EPS15: variants seen among roughly 807,000 people sequenced by gnomAD.
The protein encoded by EPS15 is epidermal growth factor receptor substrate 15.
Under a neutral mutation model 113.8 loss-of-function variants are expected in EPS15, and 72 were observed. That is an observed-to-expected ratio of 0.63 (90% confidence interval 0.52 to 0.77). The LOEUF (loss-of-function observed/expected upper bound fraction) is 0.77. Among genes scored for constraint, EPS15 ranks in the 30% least tolerant of loss-of-function variants. The pLI, the probability that EPS15 is intolerant of heterozygous loss-of-function variation, is 0.00. For missense variants in EPS15, 1,048 were observed against 1,045.8 expected, an observed-to-expected ratio of 1.00 and a Z score of -0.03; for synonymous variants, 344 against 363.4, an observed-to-expected ratio of 0.95 and a Z score of 0.61.
At chr1:51,382,895 C>A (rs1034328014) in intron 21 of EPS15, among the ~76,000 whole-genome samples, 1 of 152,078 alleles carries the variant, frequency 6.6e-6, no homozygotes, top group African/African-American at 2.4e-5. Context: ...TCTGTGAAGC[C>A]AGTATTACTC....
chr1:51,459,790 A>C (rs1269147673), intron 8 of EPS15, among the ~76,000 whole-genome samples: 5 of 152,124 alleles, frequency 3.3e-5, no homozygotes, highest in African/African-American at 1.2e-4. Context: ...AAAACTAAAA[A>C]TTATCTAAAA....
chr1:51,370,601 ATTATTATT>A (rs1260040427), intron 21 of EPS15, among the ~76,000 whole-genome samples: 6 of 151,174 alleles, frequency 4.0e-5, no homozygotes, highest in African/African-American at 7.3e-5. Context: ...TCGTTATTTT[ATTATTATT>A]TTGTTTGTTA....
Position 51,361,527 on chromosome 1 carries a change from TTC to T in EPS15, c.2360-174_2360-173del, listed in dbSNP as rs1570075485. ...ACACCAACAATTTGTCCTCAAATTCTTCACACATGATCTCTCAAATAGATTCC... is the reference window on the plus strand; with the variant it reads ...ACACCAACAATTTGTCCTCAAATTCTACACATGATCTCTCAAATAGATTCC... On this transcript the variant is annotated intron_variant, in intron 23 of 24. Coordinates refer to ENST00000371733, the MANE Select transcript of EPS15 (RefSeq NM_001981.3). Among the ~76,000 whole-genome samples the T allele has an allele frequency of 3.3e-5, 5 of 152,322 alleles. No homozygotes were observed. In the East Asian group the frequency reaches 9.6e-4, roughly 29 times the overall value.
intron 8 of EPS15, among the ~76,000 whole-genome samples, chr1:51,459,507 T>A (rs1405772618): frequency 2.6e-5 from 4 of 151,662 alleles, no homozygotes; most frequent in Non-Finnish European, 5.9e-5. Flanking sequence ...AAAATAAAAA[T>A]AATAAAATAA....
chr1:51,355,774 A>ACTGAT lies in EPS15; in HGVS notation c.*925_*926insATCAG, dbSNP rs1359974983. On this transcript the variant is annotated 3_prime_UTR_variant, in exon 25 of 25. Transcript: ENST00000371733. Reference sequence around the variant, plus strand: ...GTACCTTCCAGTTCTAGCTTGCTGAAGTTTCTTCTGCAAAAGTACAAAAAT... The same window carrying ACTGAT: ...GTACCTTCCAGTTCTAGCTTGCTGAACTGATGTTTCTTCTGCAAAAGTACAAAAAT... The ACTGAT allele has an allele frequency of 3.1e-5, 6 of 194,804 alleles. No homozygotes were observed. The highest frequency in any genetic ancestry group is 1.9e-4 in the South Asian group (1 of 5,146). The allele number at this position is 194,804 out of a possible 1,614,324, so 12.1% of individuals were successfully genotyped here. A position where few individuals can be genotyped will look rare whatever the true frequency, so the allele number is the denominator to read the frequency against.
chr1:51,422,083 A>G, intron 12 of EPS15: 5 of 1,193,046 alleles, frequency 4.2e-6, no homozygotes, highest in South Asian at 5.1e-5. Flanking sequence ...ATGTGGTGAA[A>G]AGAGGATAGA....
At chr1:51,364,444 ATACTAATG>A (rs1182903540) in intron 22 of EPS15, among the ~76,000 whole-genome samples, 8 of 152,200 alleles carry the variant, frequency 5.3e-5, no homozygotes, top group African/African-American at 1.9e-4. Flanking sequence ...ATAAGATTTA[ATACTAATG>A]CAAGGAAAAT....
intron 23 of EPS15, among the ~76,000 whole-genome samples, chr1:51,361,875 C>T (rs918666311): frequency 1.3e-5 from 2 of 152,006 alleles, no homozygotes; most frequent in African/African-American, 2.4e-5. Context: ...TTTAAATTAC[C>T]GTAGTAAAAT....
intron 12 of EPS15, chr1:51,422,151 C>G (rs1650818332): frequency 1.4e-6 from 1 of 704,694 alleles, no homozygotes; most frequent in African/African-American, 1.8e-5. Flanking sequence ...ACTGATGTCA[C>G]TGTTGCTATG....
chr1:51,455,158 T>C (rs1653882993), intron 8 of EPS15, among the ~76,000 whole-genome samples: 2 of 152,182 alleles, frequency 1.3e-5, no homozygotes, highest in Admixed American at 1.3e-4. Flanking sequence ...CAAAGAACTA[T>C]TTCACAGAAT....
intron 24 of EPS15, among the ~76,000 whole-genome samples, chr1:51,357,391 A>AAAATATATATATAT (rs1491245303): frequency 1.5e-5 from 1 of 65,720 alleles, no homozygotes; most frequent in Non-Finnish European, 2.6e-5. Flanking sequence ...AAAAAAAAAA[A>AAAATATATATATAT]ATATATATAT....
rs114624940 is a variant in EPS15, at chr1:51,404,069, G to A, written c.1678-537C>T. Among the ~76,000 whole-genome samples the A allele has an allele frequency of 9.0e-4, 137 of 152,288 alleles. 1 individual carries two copies. The highest frequency in any genetic ancestry group is 3.2e-3 in the African/African-American group (132 of 41,552). On this transcript the variant is annotated intron_variant, in intron 16 of 24. Transcript: ENST00000371733. ...ACTTAAGAAGTAGTAGGGGCAGGCC[G>A]GATGCAGTGGCTCACACCTGTAATC... is the stretch of plus-strand genomic sequence containing the variant.
intron 21 of EPS15, among the ~76,000 whole-genome samples, chr1:51,375,816 AAAACAAAAC>A (rs1179400415): frequency 4.6e-5 from 7 of 152,364 alleles, no homozygotes; most frequent in African/African-American, 1.4e-4. Flanking sequence ...AACTAAAAAC[AAAACAAAAC>A]AAACAAACCA....
intron 6 of EPS15, 144 bp from the exon 7 acceptor site, chr1:51,463,942 A>C: frequency 2.2e-6 from 1 of 463,822 alleles, no homozygotes; most frequent in Non-Finnish European, 3.8e-6. Context: ...TCAAAATATA[A>C]TATTCATTGT....
intron 1 of EPS15, among the ~76,000 whole-genome samples, chr1:51,485,770 A>G (rs1644108841): frequency 6.6e-6 from 1 of 152,188 alleles, no homozygotes; most frequent in South Asian, 2.1e-4. Flanking sequence ...TTTTATCATT[A>G]TATTTTGGAA....
At chr1:51,423,458 A>G (rs965617542) in intron 12 of EPS15, 1 of 985,322 alleles carries the variant, frequency 1.0e-6, no homozygotes, top group Non-Finnish European at 1.2e-6. Context: ...TCCTTATGTG[A>G]GCAGATGAAT....
At chr1:51,366,087 GAC>G in intron 21 of EPS15, 58 bp from the exon 22 acceptor site, 1 of 1,195,166 alleles carries the variant, frequency 8.4e-7, no homozygotes, top group Non-Finnish European at 1.2e-6. Flanking sequence ...TTTTTTTTGA[GAC>G]AGAGTCTCAC....
At chr1:51,386,939 C>T (rs941382441) in intron 21 of EPS15, among the ~76,000 whole-genome samples, 3 of 152,030 alleles carry the variant, frequency 2.0e-5, no homozygotes, top group African/African-American at 7.3e-5. Context: ...GCAAGGCAGG[C>T]CAACATTCAG....
At chr1:51,433,340 C>G (rs1257181727) in intron 12 of EPS15, among the ~76,000 whole-genome samples, 2 of 152,204 alleles carry the variant, frequency 1.3e-5, no homozygotes, top group Admixed American at 1.3e-4. Flanking sequence ...TACTATGTTC[C>G]AAGCATTGCG....
Sources: gnomAD v4.1 joint callset for allele counts (sites outside exome capture counted in the v4.1 genomes callset) on GRCh38, gnomAD v4.1.1 for gene constraint, MANE v1.5 for transcripts, NCBI Gene and HGNC (gene_info 2026-07-23, HGNC 2026-07-21) for gene names.